Variants in USP14 observed in about 807,000 individuals in gnomAD.
The protein encoded by USP14 is ubiquitin specific peptidase 14, also known as ubiquitin carboxyl-terminal hydrolase 14.
A neutral mutation model predicts 76.5 loss-of-function variants in USP14; 38 were observed. The observed-to-expected ratio is 0.50, with a 90% CI of 0.38 to 0.65. The LOEUF (loss-of-function observed/expected upper bound fraction) is 0.65, where lower values mean the gene tolerates loss of function less well. Among genes scored for constraint, USP14 ranks in the 30% least tolerant of loss-of-function variants. The pLI, the probability that USP14 is intolerant of heterozygous loss-of-function variation, is 0.00. For synonymous variants in USP14, 192 were observed against 191.7 expected (o/e 1.00, Z -0.01); for missense variants, 467 against 586.5 (o/e 0.80, Z 2.10).
At chr18:207,901 A>G (rs1286944205) in intron 13 of USP14, among the ~76,000 whole-genome samples, 1 of 152,118 alleles carries the variant, frequency 6.6e-6, no homozygotes, top group East Asian at 1.9e-4. Flanking sequence ...GCTAGCATAT[A>G]GAAATAAAAT....
chr18:179,682 G>T (rs1387957819), intron 4 of USP14, among the ~76,000 whole-genome samples: 1 of 149,380 alleles, frequency 6.7e-6, no homozygotes, highest in East Asian at 2.0e-4. Context: ...CAACTTCCTG[G>T]GTTCAAGTGA....
intron 3 of USP14, among the ~76,000 whole-genome samples, chr18:172,813 G>A (rs997124656): frequency 4.6e-5 from 7 of 152,094 alleles, no homozygotes; most frequent in African/African-American, 1.4e-4. Context: ...TAAACATGAT[G>A]TTTGTATGCA....
rs1249835355 is a variant in USP14, at chr18:196,669, ACTT to A, written c.501_503del (p.Ser169del). The A allele has an allele frequency of 3.7e-6, 6 of 1,613,916 alleles. No individual in the cohort carries two copies. Among genetic ancestry groups the A allele is most frequent in the South Asian group, 3.3e-5 (3 of 91,008 alleles). The stretch of plus-strand genomic sequence containing the variant: ...AGATTTGTTTGATTCCATGGATAAA[ACTT>A]CTTCCAGTATTCCACCTATTATTCT... On this transcript the variant is annotated inframe_deletion, in exon 7 of 16. Coordinates refer to ENST00000261601, the MANE Select transcript of USP14 (RefSeq NM_005151.4).
chr18:190,968 C>CA (rs1000019764), intron 5 of USP14, among the ~76,000 whole-genome samples: 1 of 150,554 alleles, frequency 6.6e-6, no homozygotes, highest in East Asian at 1.9e-4. Context: ...TCCTTAGTTA[C>CA]AAAAAAAAGG....
At position 194,750 on chromosome 18, in the gene USP14, G is replaced by A. The variant is rs544946479; in HGVS notation, c.463+1850G>A. 3.9e-5 allele frequency among the ~76,000 whole-genome samples: 6 copies of A among 152,190 alleles called. No individual in the cohort carries two copies. The South Asian group carries it at 1.0e-3, about 26-fold the overall frequency. ...GTTTGAGACCAGCCTGGCCAACATG[G>A]CGAAACCCCGTCTCTACTAAAAATG... On this transcript the variant is annotated intron_variant, in intron 6 of 15. Coordinates refer to ENST00000261601, the MANE Select transcript of USP14 (RefSeq NM_005151.4).
chr18:166,649 A>G (rs1212029415), intron 2 of USP14, 138 bp from the exon 3 acceptor site: 2 of 1,112,526 alleles, frequency 1.8e-6, no homozygotes, highest in Non-Finnish European at 2.4e-6. Context: ...AATTTTTTTA[A>G]TTGCCATAAT....
chr18:176,390 C>T (rs764063202), intron 3 of USP14, among the ~76,000 whole-genome samples: 37 of 152,314 alleles, frequency 2.4e-4, no homozygotes, highest in Non-Finnish European at 4.4e-4. Context: ...TAGGCTCAAG[C>T]AGTACTCCCA....
intron 15 of USP14, among the ~76,000 whole-genome samples, 194 bp downstream of exon 15, chr18:210,687 A>C (rs1910646588): frequency 6.6e-6 from 1 of 152,150 alleles, no homozygotes; most frequent in Admixed American, 6.5e-5. Flanking sequence ...AGAAATTAAG[A>C]AAGTTAGTTT....
chr18:200,778 T>C (rs867427959), intron 10 of USP14, among the ~76,000 whole-genome samples: 1 of 150,334 alleles, frequency 6.7e-6, no homozygotes, highest in Middle Eastern at 3.4e-3. Context: ...ATAATTAGGA[T>C]TGTTTATTTT....
At chr18:174,461 T>G (rs550511820) in intron 3 of USP14, among the ~76,000 whole-genome samples, 92 of 152,056 alleles carry the variant, frequency 6.1e-4, no homozygotes, top group African/African-American at 2.1e-3. Flanking sequence ...AGACGGGGTG[T>G]CACCATGTTG....
chr18:188,835 G>A (rs745376382), intron 5 of USP14, among the ~76,000 whole-genome samples: 3 of 152,014 alleles, frequency 2.0e-5, no homozygotes, highest in Non-Finnish European at 2.9e-5. Context: ...CCGCCACTAT[G>A]CCCAGCTAAT....
chr18:178,669 G>A (rs1476701154), intron 3 of USP14, among the ~76,000 whole-genome samples: 1 of 152,148 alleles, frequency 6.6e-6, no homozygotes, highest in African/African-American at 2.4e-5. Flanking sequence ...ATTTTTAGTA[G>A]TGTATTTACA....
chr18:163,282 T>TA (rs758160314), intron 1 of USP14, 26 bp from the exon 2 acceptor site: 11 of 1,566,260 alleles, frequency 7.0e-6, no homozygotes, highest in East Asian at 4.7e-5. Flanking sequence ...ATTTTTTAAT[T>TA]AAAAAAATTG....
At chr18:191,438 C>T (rs964198295) in intron 5 of USP14, among the ~76,000 whole-genome samples, 2 of 152,172 alleles carry the variant, frequency 1.3e-5, no homozygotes, top group Non-Finnish European at 2.9e-5. Flanking sequence ...TAATTCACAT[C>T]TAGTGAAATG....
chr18:179,334 A>G (rs1909716825), intron 4 of USP14, among the ~76,000 whole-genome samples: 3 of 152,122 alleles, frequency 2.0e-5, no homozygotes, highest in Non-Finnish European at 4.4e-5. Context: ...AATATCTGTA[A>G]TAAATATGTT....
intron 5 of USP14, among the ~76,000 whole-genome samples, chr18:180,671 C>T (rs927335295): frequency 1.1e-4 from 17 of 152,186 alleles, no homozygotes; most frequent in Non-Finnish European, 1.6e-4. Flanking sequence ...TAAATTGAAT[C>T]GTATAATATG....
At chr18:180,618 A>G (rs1292234523) in intron 5 of USP14, among the ~76,000 whole-genome samples, 5 of 152,154 alleles carry the variant, frequency 3.3e-5, no homozygotes, top group Admixed American at 6.5e-5. Flanking sequence ...CCAACCGTTC[A>G]TCTACTTTCT....
chr18:194,418 T>A (rs957544230), intron 6 of USP14, among the ~76,000 whole-genome samples: 1 of 152,220 alleles, frequency 6.6e-6, no homozygotes, highest in Non-Finnish European at 1.5e-5. Flanking sequence ...TTTTGCTTCT[T>A]GATTTTTTAA....
chr18:168,926 A>G (rs1909358774), intron 3 of USP14, among the ~76,000 whole-genome samples: 1 of 151,356 alleles, frequency 6.6e-6, no homozygotes, highest in Non-Finnish European at 1.5e-5. Context: ...AATACAAAAC[A>G]ATTAGCCGTG....
Sources: gnomAD v4.1 joint callset for allele counts (sites outside exome capture counted in the v4.1 genomes callset) on GRCh38, gnomAD v4.1.1 for gene constraint, MANE v1.5 for transcripts, NCBI Gene and HGNC (gene_info 2026-07-23, HGNC 2026-07-21) for gene names.